RNF10: variants seen among roughly 807,000 people sequenced by gnomAD.
The protein encoded by RNF10 is ring finger protein 10, also known as E3 ubiquitin-protein ligase RNF10.
In RNF10, 38 loss-of-function variants were observed where a neutral mutation model predicts 91.4. The ratio of observed to expected loss-of-function variants is 0.42; its 90% CI spans 0.32 to 0.54. RNF10 has a LOEUF of 0.54. Among genes scored for constraint, RNF10 ranks in the 20% least tolerant of loss-of-function variants. RNF10 has a pLI of 0.16. For synonymous variants in RNF10, 364 were observed against 366.3 expected (o/e 0.99, Z 0.07); for missense variants, 945 against 1,012.0 (o/e 0.93, Z 0.90).
At chr12:120,537,557 G>A (rs1871005580) in intron 1 of RNF10, among the ~76,000 whole-genome samples, 1 of 152,186 alleles carries the variant, frequency 6.6e-6, no homozygotes, top group Non-Finnish European at 1.5e-5. Flanking sequence ...GAAACCGGGA[G>A]GCGGAGGTTG....
chr12:120,563,704 C>T, intron 9 of RNF10, 81 bp downstream of exon 9: 1 of 1,576,340 alleles, frequency 6.3e-7, no homozygotes, highest in Non-Finnish European at 8.6e-7. Context: ...AGGAGCGCCA[C>T]TAGATCCTGT....
rs745988373 is a variant in RNF10 at position 120,575,924 on chromosome 12, C to T, written c.2333C>T (p.Thr778Ile). 4 of 1,613,932 alleles carry T rather than the reference C, an allele frequency of 2.5e-6. No homozygotes were observed. The highest frequency in any genetic ancestry group is 3.4e-6 in the Non-Finnish European group (4 of 1,180,038). Residue 778 changes from threonine to isoleucine, a missense_variant, in exon 16 of 17, where the codon ACA (threonine) becomes ATA (isoleucine). Coordinates refer to ENST00000325954, the MANE Select transcript of RNF10 (RefSeq NM_014868.5). ...GAAGCAGCCTTCATGAAACTGGACA[C>T]ACCAGCTACTTCAGATCCCCTCTCT... is the stretch of plus-strand genomic sequence containing the variant. ...AIEAAFMKLD[T>I]PATSDPLSEE...
intron 16 of RNF10, among the ~76,000 whole-genome samples, chr12:120,576,314 C>T (rs1877386942): frequency 1.3e-5 from 2 of 152,178 alleles, no homozygotes. Context: ...ATATGTATGG[C>T]GTGCTATGTG....
At position 120,546,604 on chromosome 12, in the gene RNF10, A is replaced by T. The variant is rs991825448; in HGVS notation, c.354+3A>T. The T allele has an allele frequency of 1.2e-6, 2 of 1,611,198 alleles. No homozygotes were observed. Among genetic ancestry groups the T allele is most frequent in the Admixed American group, 1.7e-5 (1 of 59,206 alleles). ...TTAATGGTGGAAGACGAGATGAGGT[A>T]TGGAATTTGAGAATGTCCTTTCTAG... On this transcript the variant is annotated splice_donor_region_variant and intron_variant, in intron 2 of 16. Transcript: ENST00000325954.
At chr12:120,545,422 G>C (rs1872181188) in intron 1 of RNF10, among the ~76,000 whole-genome samples, 1 of 149,428 alleles carries the variant, frequency 6.7e-6, no homozygotes, top group Non-Finnish European at 1.5e-5. Flanking sequence ...TCAATCTCCT[G>C]ACCTCGTGAT....
At chr12:120,535,341 A>G (rs569929179) in intron 1 of RNF10, 1 of 165,812 alleles carries the variant, frequency 6.0e-6, no homozygotes, top group African/African-American at 2.4e-5. Flanking sequence ...TTAATGTTGA[A>G]TTAACATTGG....
chr12:120,563,776 A>G, intron 9 of RNF10, 34 bp from the exon 10 acceptor site: 1 of 1,612,386 alleles, frequency 6.2e-7, no homozygotes. Flanking sequence ...GGGACTGGCC[A>G]AGACTGGTGT....
chr12:120,560,412 C>A (rs1874677391), intron 6 of RNF10, among the ~76,000 whole-genome samples: 1 of 151,626 alleles, frequency 6.6e-6, no homozygotes, highest in African/African-American at 2.4e-5. Flanking sequence ...CCTTGACCTC[C>A]CAAAGTGCTG....
At chr12:120,545,383 A>ATG (rs1872174854) in intron 1 of RNF10, among the ~76,000 whole-genome samples, 2 of 145,120 alleles carry the variant, frequency 1.4e-5, no homozygotes, top group African/African-American at 5.1e-5. Flanking sequence ...TAGTAGAGAC[A>ATG]GGATTTCACT....
chr12:120,569,538 C>CTTTTTTTTTTTTTTTTTTTTTTTTTTT, intron 13 of RNF10, among the ~76,000 whole-genome samples: 1 of 115,240 alleles, frequency 8.7e-6, no homozygotes, highest in Non-Finnish European at 1.7e-5. Context: ...TGATATGCAT[C>CTTTTTTTTTTTTTTTTTTTTTTTTTTT]TTTTTTTTTT....
chr12:120,552,991 C>CT (rs773058731), intron 3 of RNF10, among the ~76,000 whole-genome samples: 21 of 142,048 alleles, frequency 1.5e-4, no homozygotes, highest in Non-Finnish European at 2.6e-4. Context: ...CCTTAAGTAA[C>CT]TTAACAGCTT....
intron 4 of RNF10, 100 bp downstream of exon 4, chr12:120,554,908 C>T (rs2137188698): frequency 1.1e-6 from 1 of 906,560 alleles, no homozygotes; most frequent in East Asian, 2.5e-5. Context: ...GCTTGATACC[C>T]TTTTCTGCCT....
At chr12:120,562,468 T>C (rs770902197) in intron 7 of RNF10, among the ~76,000 whole-genome samples, 35 of 151,892 alleles carry the variant, frequency 2.3e-4, no homozygotes, top group Non-Finnish European at 4.7e-4. Context: ...GAGATGGGGT[T>C]TCTCCATGTT....
chr12:120,536,040 G>C (rs1465758749), intron 1 of RNF10, among the ~76,000 whole-genome samples: 1 of 152,180 alleles, frequency 6.6e-6, no homozygotes, highest in Non-Finnish European at 1.5e-5. Context: ...TGTTTTCAGC[G>C]ACAGTGGGGA....
Position 120,541,927 on chromosome 12 carries a change from T to C in RNF10, c.158-4478T>C, listed in dbSNP as rs545699180. The stretch of plus-strand genomic sequence containing the variant: ...TGTCTCCCAGGCTGGAGTGCAGTGG[T>C]GCAATCTTGGCTCACTGCAAGCCCC... On this transcript the variant is annotated intron_variant, in intron 1 of 16. Coordinates refer to ENST00000325954, the MANE Select transcript of RNF10 (RefSeq NM_014868.5). Among the ~76,000 whole-genome samples the C allele has an allele frequency of 6.4e-4, 95 of 149,544 alleles. 1 individual carries two copies. The East Asian group carries it at 0.017, about 27-fold the overall frequency.
intron 1 of RNF10, among the ~76,000 whole-genome samples, chr12:120,542,126 A>G (rs1462178704): frequency 6.6e-6 from 1 of 151,792 alleles, no homozygotes; most frequent in Non-Finnish European, 1.5e-5. Context: ...TCAGCATCCC[A>G]AAGTGCTGGG....
At chr12:120,576,525 G>A in intron 16 of RNF10, 65 bp from the exon 17 acceptor site, 1 of 1,567,864 alleles carries the variant, frequency 6.4e-7, no homozygotes. Flanking sequence ...TCTCAGTAAT[G>A]AAAACTGGCC....
chr12:120,540,202 A>G (rs1163368600), intron 1 of RNF10, among the ~76,000 whole-genome samples: 2 of 151,038 alleles, frequency 1.3e-5, no homozygotes, highest in African/African-American at 2.4e-5. Flanking sequence ...GCTTCAAATG[A>G]TCCTCCCACC....
At chr12:120,567,932 G>A (rs1179421732) in intron 13 of RNF10, among the ~76,000 whole-genome samples, 1 of 151,266 alleles carries the variant, frequency 6.6e-6, no homozygotes, top group Non-Finnish European at 1.5e-5. Flanking sequence ...TTAGAAGGCA[G>A]GGGAGGAAAT....
Sources: allele counts gnomAD v4.1 joint callset (sites outside exome capture counted in the v4.1 genomes callset), GRCh38; gene constraint gnomAD v4.1.1; transcripts MANE v1.5; gene names NCBI Gene and HGNC (gene_info 2026-07-23, HGNC 2026-07-21).